The following CDH11 variants were observed in gnomAD, a reference collection of about 807,000 sequenced individuals.
CDH11 encodes the protein cadherin 11.
Under a neutral mutation model 67.8 loss-of-function variants are expected in CDH11, and 11 were observed. That is an observed-to-expected ratio of 0.16 (90% CI 0.10 to 0.27). CDH11 has a LOEUF of 0.27. Among genes scored for constraint, CDH11 ranks in the 10% least tolerant of loss-of-function variants. The pLI is 1.00. For synonymous variants in CDH11, 419 were observed against 400.0 expected, an observed-to-expected ratio of 1.05 and a Z score of -0.57; for missense variants, 847 against 1,031.2, an observed-to-expected ratio of 0.82 and a Z score of 2.45.
chr16:65,041,311 C>G (rs945732308), intron 2 of CDH11, among the ~76,000 whole-genome samples: 1 of 152,184 alleles, frequency 6.6e-6, no homozygotes, highest in African/African-American at 2.4e-5. Context: ...CCACCTCTTC[C>G]AAAGACCAGC....
intron 2 of CDH11, among the ~76,000 whole-genome samples, chr16:65,017,306 T>G (rs2073330835): frequency 6.6e-6 from 1 of 152,166 alleles, no homozygotes; most frequent in South Asian, 2.1e-4. Context: ...CCTCCATCCT[T>G]TTTGCAAGGG....
At chr16:65,080,737 G>A (rs2074596605) in intron 1 of CDH11, among the ~76,000 whole-genome samples, 1 of 152,048 alleles carries the variant, frequency 6.6e-6, no homozygotes, top group East Asian at 1.9e-4. Flanking sequence ...CTCTTCATTT[G>A]TTTTGAGTTT....
chr16:65,027,233 G>C (rs1245956296), intron 2 of CDH11, among the ~76,000 whole-genome samples: 1 of 152,094 alleles, frequency 6.6e-6, no homozygotes, highest in African/African-American at 2.4e-5. Flanking sequence ...CACTAACCTT[G>C]TTTTTTATGA....
intron 12 of CDH11, chr16:64,948,831 C>G (rs2071270123): frequency 3.0e-6 from 4 of 1,319,714 alleles, no homozygotes; most frequent in Non-Finnish European, 4.2e-6. Context: ...AGTTCAGGCA[C>G]AGTTTAATTC....
At chr16:65,087,306 CA>C (rs2074717759) in intron 1 of CDH11, among the ~76,000 whole-genome samples, 1 of 151,986 alleles carries the variant, frequency 6.6e-6, no homozygotes, top group African/African-American at 2.4e-5. Flanking sequence ...TGTCAGCTAC[CA>C]CAGAGAATAT....
intron 4 of CDH11, among the ~76,000 whole-genome samples, chr16:64,997,271 G>C (rs2072794738): frequency 6.7e-6 from 1 of 149,352 alleles, no homozygotes. Context: ...CGGCACTCCA[G>C]CCTGAGTAAC....
chr16:65,027,804 T>C (rs1423333411), intron 2 of CDH11, among the ~76,000 whole-genome samples: 1 of 152,166 alleles, frequency 6.6e-6, no homozygotes, highest in African/African-American at 2.4e-5. Context: ...TCATCCTCCA[T>C]CTCTTCCATG....
intron 11 of CDH11, among the ~76,000 whole-genome samples, chr16:64,956,615 C>T (rs981899135): frequency 6.6e-6 from 1 of 152,158 alleles, no homozygotes; most frequent in African/African-American, 2.4e-5. Flanking sequence ...TGTTTTCCCC[C>T]ACTTAGGCCA....
At chr16:64,956,790 A>T (rs551816019) in intron 11 of CDH11, among the ~76,000 whole-genome samples, 3 of 152,154 alleles carry the variant, frequency 2.0e-5, no homozygotes, top group Admixed American at 6.5e-5. Flanking sequence ...AATACAATAT[A>T]AAAGTTCCTA....
chr16:65,081,292 G>A (rs2074605038), intron 1 of CDH11, among the ~76,000 whole-genome samples: 3 of 152,140 alleles, frequency 2.0e-5, no homozygotes, highest in Non-Finnish European at 4.4e-5. Flanking sequence ...TACAGGGCTG[G>A]GCGCTGGGGC....
chr16:64,949,425 CTTTTTTTTT>C (rs71143535), intron 12 of CDH11, among the ~76,000 whole-genome samples: 1 of 106,020 alleles, frequency 9.4e-6, no homozygotes, highest in Non-Finnish European at 1.8e-5. Context: ...TTTTTTTTTT[CTTTTTTTTT>C]TTTTTTTTTG....
At chr16:64,956,040 G>C (rs2071500813) in intron 11 of CDH11, among the ~76,000 whole-genome samples, 1 of 152,118 alleles carries the variant, frequency 6.6e-6, no homozygotes, top group African/African-American at 2.4e-5. Context: ...AGATGAAACA[G>C]AAAAGACAAA....
chr16:64,965,771 AACACAC>A (rs55992835), intron 11 of CDH11, among the ~76,000 whole-genome samples: 3,100 of 146,044 alleles, frequency 0.021, 93 homozygotes, highest in African/African-American at 0.055. Context: ...CGGTGCATGA[AACACAC>A]ACACACACAC....
chr16:65,038,597 G>C (rs1319986448), intron 2 of CDH11, among the ~76,000 whole-genome samples: 1 of 152,140 alleles, frequency 6.6e-6, no homozygotes, highest in Non-Finnish European at 1.5e-5. Flanking sequence ...CTAATTCTAA[G>C]CCTTGCTTCT....
At chr16:65,018,413 A>G (rs1203091775) in intron 2 of CDH11, among the ~76,000 whole-genome samples, 2 of 152,188 alleles carry the variant, frequency 1.3e-5, no homozygotes, top group Non-Finnish European at 2.9e-5. Context: ...TGGTTACAAA[A>G]AAATTTTAAA....
chr16:64,958,965 G>C (rs2071597800), intron 11 of CDH11, among the ~76,000 whole-genome samples: 1 of 152,188 alleles, frequency 6.6e-6, no homozygotes, highest in East Asian at 1.9e-4. Context: ...ATGTGAAGGA[G>C]GCAAGAAGAA....
In CDH11 at chr16:64,944,042, G is replaced by A; in HGVS notation, c.*3561C>T. The A allele has an allele frequency of 4.3e-6, 1 of 232,540 alleles. No homozygotes were observed. Among genetic ancestry groups the A allele is most frequent in the Non-Finnish European group, 8.5e-6 (1 of 117,608 alleles). 14.4% of individuals were successfully genotyped at this position (232,540 alleles called of 1,614,324 possible). A position where few individuals can be genotyped will look rare whatever the true frequency, so the allele number is the denominator to read the frequency against. ...CCGAAAGATGGCCAGTGTGGCTGGA[G>A]CATCGTGCACTGAAAGGAGGATGGA... On this transcript the variant is annotated 3_prime_UTR_variant, in exon 13 of 13. Coordinates refer to ENST00000268603, the MANE Select transcript of CDH11 (RefSeq NM_001797.4).
chr16:64,970,504 G>A (rs1281032083), intron 11 of CDH11, among the ~76,000 whole-genome samples: 1 of 152,156 alleles, frequency 6.6e-6, no homozygotes, highest in African/African-American at 2.4e-5. Context: ...GAATAGGGGT[G>A]ACAATAATGC....
chr16:65,122,003 C>T lies in CDH11; in HGVS notation c.-421G>A, dbSNP rs972604976. ...ACAAGTCAGCGGCGGCTGCGAGCGG[C>T]CCCCGCGGCATCTGCTCCTCGGCCC... On this transcript the variant is annotated 5_prime_UTR_variant, in exon 1 of 13. Transcript: ENST00000268603. The T allele has an allele frequency of 3.0e-5, 21 of 699,610 alleles. No homozygotes were observed. The highest frequency in any genetic ancestry group is 2.5e-4 in the Middle Eastern group (1 of 4,008). The allele number at this position is 699,610 out of a possible 1,614,324, so 43.3% of individuals were successfully genotyped here.
Sources: allele counts gnomAD v4.1 joint callset (sites outside exome capture counted in the v4.1 genomes callset), GRCh38; gene constraint gnomAD v4.1.1; transcripts MANE v1.5; gene names NCBI Gene and HGNC (gene_info 2026-07-23, HGNC 2026-07-21).